FAM135B: variants seen among roughly 807,000 people sequenced by gnomAD.
FAM135B encodes the protein protein FAM135B.
In FAM135B, 43 loss-of-function variants were observed where a neutral mutation model predicts 127.7. That is an observed-to-expected ratio of 0.34 (90% CI 0.26 to 0.43). The LOEUF (loss-of-function observed/expected upper bound fraction) is 0.43, where lower values mean the gene tolerates loss of function less well. Ranked by LOEUF, FAM135B falls within the 20% of genes least tolerant of loss-of-function variation. The pLI, the probability that FAM135B is intolerant of heterozygous loss-of-function variation, is 1.00. For missense variants in FAM135B, 1,558 were observed against 1,725.6 expected (o/e 0.90, Z 1.72); for synonymous variants, 670 against 665.1 (o/e 1.01, Z -0.11).
intron 7 of FAM135B, among the ~76,000 whole-genome samples, chr8:138,200,843 T>G (rs766582616): frequency 6.6e-6 from 1 of 152,248 alleles, no homozygotes; most frequent in African/African-American, 2.4e-5. Flanking sequence ...ACAATAATAA[T>G]AGAAATTCTT....
intron 2 of FAM135B, among the ~76,000 whole-genome samples, chr8:138,314,539 A>G (rs915532685): frequency 6.6e-6 from 1 of 152,040 alleles, no homozygotes; most frequent in African/African-American, 2.4e-5. Flanking sequence ...TCAAATGTTC[A>G]TACACAAAAA....
At chr8:138,411,707 G>A (rs182118004) in intron 1 of FAM135B, among the ~76,000 whole-genome samples, 5,467 of 152,094 alleles carry the variant, frequency 0.036, 329 homozygotes, top group African/African-American at 0.12. Context: ...GCAACCTACA[G>A]AATGGGAGAA....
chr8:138,421,465 A>G (rs939254739), intron 1 of FAM135B, among the ~76,000 whole-genome samples: 3 of 152,242 alleles, frequency 2.0e-5, no homozygotes, highest in Non-Finnish European at 2.9e-5. Context: ...AAGTCAATGT[A>G]CAAAATCAGC....
Position 138,148,557 on chromosome 8 carries a change from A to G in FAM135B, c.3411T>C (p.Asp1137=). ...GGACACAGACAACCAGGTGAATTCC[A>G]TCTTCCAAATTTTCTTCCTCTTCCT... ...PPEEEEENLE[D]GIHLVVCVHG... Residue 1137 remains aspartate, a synonymous_variant, in exon 14 of 20, where the codon GAT becomes GAC. Coordinates refer to ENST00000395297, the MANE Select transcript of FAM135B (RefSeq NM_015912.4). 1 of 1,614,132 alleles carries G rather than the reference A, an allele frequency of 6.2e-7. No homozygotes were observed. Among genetic ancestry groups the G allele is most frequent in the Non-Finnish European group, 8.5e-7 (1 of 1,179,974 alleles).
rs118190580 is a variant in FAM135B at position 138,377,818 on chromosome 8, C to G, written c.-19-9816G>C. On this transcript the variant is annotated intron_variant, in intron 1 of 19. Transcript: ENST00000395297. ...AGAAATTACTCTCGAAAGCATGTATCTGCATTCAGTGATGTCCTTCTCCCC... is the reference window on the plus strand; with the variant it reads ...AGAAATTACTCTCGAAAGCATGTATGTGCATTCAGTGATGTCCTTCTCCCC... Among the ~76,000 whole-genome samples, 314 of 152,320 alleles carry G rather than the reference C, an allele frequency of 2.1e-3. 13 individuals are homozygous for G. In the East Asian group the frequency reaches 0.049, roughly 24 times the overall value.
chr8:138,416,850 G>A (rs1318758026), intron 1 of FAM135B, among the ~76,000 whole-genome samples: 1 of 152,108 alleles, frequency 6.6e-6, no homozygotes, highest in African/African-American at 2.4e-5. Context: ...GAAGGTAGAA[G>A]CCCTGCATGG....
At chr8:138,397,163 G>A (rs980711026) in intron 1 of FAM135B, among the ~76,000 whole-genome samples, 3 of 152,162 alleles carry the variant, frequency 2.0e-5, no homozygotes, top group African/African-American at 4.8e-5. Context: ...GTGAGCCTAC[G>A]GAAGGCTGGG....
chr8:138,479,403 C>G (rs1169629568), intron 1 of FAM135B, among the ~76,000 whole-genome samples: 1 of 152,128 alleles, frequency 6.6e-6, no homozygotes, highest in African/African-American at 2.4e-5. Flanking sequence ...GGCAACCAGC[C>G]CCCACTCCCC....
At chr8:138,267,583 A>C (rs996755044) in intron 3 of FAM135B, among the ~76,000 whole-genome samples, 1 of 151,926 alleles carries the variant, frequency 6.6e-6, no homozygotes, top group African/African-American at 2.4e-5. Flanking sequence ...AAAAAAAAAA[A>C]AAACAGCCCA....
chr8:138,206,313 C>G (rs77655391), intron 7 of FAM135B, among the ~76,000 whole-genome samples: 3 of 27,828 alleles, frequency 1.1e-4, no homozygotes, highest in Non-Finnish European at 1.5e-4. Context: ...CTCCACCTAC[C>G]CACAGCTCTA....
chr8:138,331,126 C>T (rs1323247800), intron 2 of FAM135B, among the ~76,000 whole-genome samples: 1 of 152,138 alleles, frequency 6.6e-6, no homozygotes, highest in African/African-American at 2.4e-5. Context: ...TTTAGTCCTG[C>T]CTCCCTGGCA....
chr8:138,205,922 A>G (rs1817516083), intron 7 of FAM135B, among the ~76,000 whole-genome samples: 1 of 151,840 alleles, frequency 6.6e-6, no homozygotes, highest in Admixed American at 6.6e-5. Flanking sequence ...CTGTTCCATT[A>G]TGCATGTATG....
intron 5 of FAM135B, among the ~76,000 whole-genome samples, chr8:138,251,511 T>C (rs1478714238): frequency 6.6e-6 from 1 of 152,164 alleles, no homozygotes; most frequent in Non-Finnish European, 1.5e-5. Flanking sequence ...ATCTGGCAGG[T>C]ATTGAGAATA....
chr8:138,301,901 G>A (rs911754576), intron 3 of FAM135B, among the ~76,000 whole-genome samples: 3 of 152,112 alleles, frequency 2.0e-5, no homozygotes, highest in African/African-American at 7.2e-5. Context: ...AGACAACATC[G>A]CAGCTGGGCA....
intron 1 of FAM135B, among the ~76,000 whole-genome samples, chr8:138,431,401 G>A (rs1217635654): frequency 6.6e-6 from 1 of 152,202 alleles, no homozygotes; most frequent in Non-Finnish European, 1.5e-5. Context: ...GGTTTCACCT[G>A]AAAGAACGAG....
intron 7 of FAM135B, among the ~76,000 whole-genome samples, chr8:138,220,061 TCACACACACACACA>T (rs3221962): frequency 6.8e-6 from 1 of 146,412 alleles, no homozygotes; most frequent in Non-Finnish European, 1.5e-5. Context: ...TTGCCTAAAA[TCACACACACACACA>T]CACACACACA....
At position 138,130,875 on chromosome 8, in the gene FAM135B, A is replaced by C. The variant is rs990748406; in HGVS notation, c.*1718T>G. 7.2e-5 allele frequency: 11 copies of C among 152,244 alleles called. No homozygotes were observed. The highest frequency in any genetic ancestry group is 2.7e-4 in the African/African-American group (11 of 41,456). 9.4% of individuals were successfully genotyped at this position (152,244 alleles called of 1,614,324 possible). A position where few individuals can be genotyped will look rare whatever the true frequency, so the allele number is the denominator to read the frequency against. On this transcript the variant is annotated 3_prime_UTR_variant, in exon 20 of 20. Transcript: ENST00000395297. ...TGACCAGAGGACTCAGTGAACCCAT[A>C]TGCATTATGACCAGGATATAACAAG...
intron 1 of FAM135B, among the ~76,000 whole-genome samples, chr8:138,469,948 A>C (rs1468143941): frequency 2.0e-5 from 3 of 152,192 alleles, no homozygotes; most frequent in Non-Finnish European, 2.9e-5. Context: ...TTCGTTATTA[A>C]CTCAACACCT....
At position 138,316,750 on chromosome 8, in the gene FAM135B, G is replaced by A. The variant is rs908578572; in HGVS notation, c.78-5830C>T. On this transcript the variant is annotated intron_variant, in intron 2 of 19. Coordinates refer to ENST00000395297, the MANE Select transcript of FAM135B (RefSeq NM_015912.4). ...AATCCCACCACTTTGGGAGGCCAAGGCAGGTAGATCACGAGATCAGGAGAT... is the reference window on the plus strand; with the variant it reads ...AATCCCACCACTTTGGGAGGCCAAGACAGGTAGATCACGAGATCAGGAGAT... Among the ~76,000 whole-genome samples, 6 of 152,094 alleles carry A rather than the reference G, an allele frequency of 3.9e-5. No homozygotes were observed. The South Asian group carries it at 6.2e-4, about 16-fold the overall frequency.
Sources: gnomAD v4.1 joint callset for allele counts (sites outside exome capture counted in the v4.1 genomes callset) on GRCh38, gnomAD v4.1.1 for gene constraint, MANE v1.5 for transcripts, NCBI Gene and HGNC (gene_info 2026-07-23, HGNC 2026-07-21) for gene names.